TLN2: variants seen among roughly 807,000 people sequenced by gnomAD.
TLN2 encodes talin-2.
Under a neutral mutation model 294.7 loss-of-function variants are expected in TLN2, and 118 were observed. The observed-to-expected ratio is 0.40, with a 90% CI of 0.34 to 0.47. The LOEUF is 0.47. Ranked by LOEUF, TLN2 falls within the 20% of genes least tolerant of loss-of-function variation. TLN2 has a pLI of 0.84. For synonymous variants in TLN2, 1,431 were observed against 1,304.5 expected, an observed-to-expected ratio of 1.10 and a Z score of -2.09; for missense variants, 3,083 against 3,282.2, an observed-to-expected ratio of 0.94 and a Z score of 1.48.
At chr15:62,658,993 A>G (rs1252218832) in intron 9 of TLN2, among the ~76,000 whole-genome samples, 1 of 152,190 alleles carries the variant, frequency 6.6e-6, no homozygotes, top group African/African-American at 2.4e-5. Flanking sequence ...AGATTGATGA[A>G]TTTTAAAAAA....
chr15:62,401,055 A>G (rs376916617), intron 1 of TLN2, among the ~76,000 whole-genome samples: 43 of 152,180 alleles, frequency 2.8e-4, no homozygotes, highest in African/African-American at 1.0e-3. Flanking sequence ...AGCTCAAGTG[A>G]TCTGCCTTCC....
chr15:62,784,059 C>A, intron 45 of TLN2, 169 bp downstream of exon 45: 3 of 1,214,678 alleles, frequency 2.5e-6, no homozygotes, highest in Non-Finnish European at 3.4e-6. Flanking sequence ...TAGCCCCAGG[C>A]TGTACTCAAG....
chr15:62,744,315 C>G lies in TLN2; in HGVS notation c.4025+3546C>G, dbSNP rs561019751. On this transcript the variant is annotated intron_variant, in intron 32 of 58. Coordinates refer to ENST00000636159, the MANE Select transcript of TLN2 (RefSeq NM_015059.3). ...TTTCTTTCATCCAACTTCTTTGTACCTTGTCTTCTCATTGTCTTGCCTTTT... is the reference window on the plus strand; with the variant it reads ...TTTCTTTCATCCAACTTCTTTGTACGTTGTCTTCTCATTGTCTTGCCTTTT... Among the ~76,000 whole-genome samples the G allele has an allele frequency of 1.6e-4, 25 of 152,186 alleles. No individual in the cohort carries two copies. In the East Asian group the frequency reaches 1.9e-3, roughly 12 times the overall value.
chr15:62,733,195 G>A (rs957508850), intron 28 of TLN2, among the ~76,000 whole-genome samples: 1 of 152,168 alleles, frequency 6.6e-6, no homozygotes, highest in African/African-American at 2.4e-5. Context: ...AGGGAAACCA[G>A]GAGAGAGGGA....
intron 1 of TLN2, among the ~76,000 whole-genome samples, chr15:62,463,144 T>A (rs1313710317): frequency 6.6e-6 from 1 of 152,178 alleles, no homozygotes; most frequent in Non-Finnish European, 1.5e-5. Flanking sequence ...CTAATTTTAT[T>A]AGTGAGGAAA....
Position 62,840,596 on chromosome 15 carries a change from G to T in TLN2, c.7615G>T (p.Glu2539Ter). The T allele has an allele frequency of 6.2e-7, 1 of 1,614,158 alleles. No individual in the cohort carries two copies. The highest frequency in any genetic ancestry group is 8.5e-7 in the Non-Finnish European group (1 of 1,180,026). ...TAAGTTTTTACCCACCGAGCTGAGG[G>T]AAGATGAGGGCTAAAGGTGCGAGCC... is the stretch of plus-strand genomic sequence containing the variant. Reference protein sequence around the residue: ...QYKFLPTELREDEG With the variant: ...QYKFLPTELR Residue 2539 changes from glutamate (E) to a stop codon, truncating the protein, a stop_gained, in exon 59 of 59, where the codon GAA becomes TAA. Coordinates refer to ENST00000636159, the MANE Select transcript of TLN2 (RefSeq NM_015059.3). LOFTEE classifies it high-confidence loss of function.
chr15:62,664,750 C>T (rs969937835), intron 9 of TLN2, among the ~76,000 whole-genome samples: 27 of 146,718 alleles, frequency 1.8e-4, no homozygotes, highest in African/African-American at 6.8e-4. Context: ...CCCAGCTACT[C>T]GGGAGGCTGA....
chr15:62,790,615 G>A (rs1450375104), intron 45 of TLN2, among the ~76,000 whole-genome samples: 1 of 152,114 alleles, frequency 6.6e-6, no homozygotes, highest in Non-Finnish European at 1.5e-5. Flanking sequence ...ATCCTTTAAA[G>A]ATCTGTGGTC....
intron 54 of TLN2, chr15:62,831,054 A>G (rs1476432168): frequency 6.6e-6 from 1 of 151,658 alleles, no homozygotes; most frequent in Non-Finnish European, 1.5e-5. Flanking sequence ...AAAAAAAAAA[A>G]AACTCCAGGC....
At chr15:62,507,053 A>G (rs1278123339) in intron 1 of TLN2, among the ~76,000 whole-genome samples, 3 of 152,228 alleles carry the variant, frequency 2.0e-5, no homozygotes, top group African/African-American at 7.2e-5. Flanking sequence ...CAGCTGATAT[A>G]AGGATTAGAA....
At chr15:62,733,620 A>G (rs1039554826) in intron 28 of TLN2, among the ~76,000 whole-genome samples, 9 of 152,246 alleles carry the variant, frequency 5.9e-5, no homozygotes, top group African/African-American at 1.7e-4. Context: ...TATGTGGCCC[A>G]ATACTGTCTG....
chr15:62,612,264 G>A (rs1567191138), intron 2 of TLN2, among the ~76,000 whole-genome samples: 1 of 152,246 alleles, frequency 6.6e-6, no homozygotes, highest in African/African-American at 2.4e-5. Context: ...GGGAGGTGCC[G>A]ATTATTTTTT....
chr15:62,569,333 G>A (rs1416647766), intron 1 of TLN2, among the ~76,000 whole-genome samples: 1 of 152,232 alleles, frequency 6.6e-6, no homozygotes, highest in East Asian at 1.9e-4. Context: ...CAGGCCAGAG[G>A]CAGAGGTATG....
chr15:62,557,462 G>A (rs1216128999), intron 1 of TLN2, among the ~76,000 whole-genome samples: 1 of 152,224 alleles, frequency 6.6e-6, no homozygotes, highest in Non-Finnish European at 1.5e-5. Context: ...CATGGCAGGG[G>A]TCCTTATCTG....
chr15:62,422,383 G>A (rs1307996957), intron 1 of TLN2, among the ~76,000 whole-genome samples: 3 of 152,116 alleles, frequency 2.0e-5, no homozygotes, highest in East Asian at 3.8e-4. Context: ...TAAAACTTCT[G>A]TATTCCCTAA....
intron 1 of TLN2, among the ~76,000 whole-genome samples, chr15:62,517,272 T>A (rs1241632582): frequency 6.6e-6 from 1 of 152,224 alleles, no homozygotes; most frequent in Non-Finnish European, 1.5e-5. Flanking sequence ...CTTGTCCCTT[T>A]GTCCTCTTCC....
intron 57 of TLN2, chr15:62,838,132 C>T (rs536559730): frequency 6.6e-6 from 1 of 152,326 alleles, no homozygotes; most frequent in South Asian, 2.1e-4. Context: ...GTCACTCCAT[C>T]TTAGAGCCTG....
chr15:62,675,926 C>T (rs573387122), intron 11 of TLN2, among the ~76,000 whole-genome samples: 49 of 152,280 alleles, frequency 3.2e-4, no homozygotes, highest in Admixed American at 1.3e-4. Context: ...TTTTCCTAAC[C>T]TCAGGAAAGT....
intron 4 of TLN2, among the ~76,000 whole-genome samples, chr15:62,649,586 A>C (rs1487660049): frequency 1.3e-5 from 2 of 152,134 alleles, no homozygotes; most frequent in African/African-American, 2.4e-5. Flanking sequence ...TCATCTCACA[A>C]GGAACTCCTA....
Sources: allele counts gnomAD v4.1 joint callset (sites outside exome capture counted in the v4.1 genomes callset), GRCh38; gene constraint gnomAD v4.1.1; transcripts MANE v1.5; gene names NCBI Gene and HGNC (gene_info 2026-07-23, HGNC 2026-07-21).